The following HK1 variants were observed in gnomAD, a reference collection of about 807,000 sequenced individuals.
The protein encoded by HK1 is hexokinase 1.
A neutral mutation model predicts 91.6 loss-of-function variants in HK1; 28 were observed. The ratio of observed to expected loss-of-function variants is 0.31; its 90% CI spans 0.23 to 0.42. HK1 has a LOEUF of 0.42. Among genes scored for constraint, HK1 ranks in the 10% least tolerant of loss-of-function variants. HK1 has a pLI of 1.00. For missense variants in HK1, 770 were observed against 1,219.8 expected (o/e 0.63, Z 5.49); for synonymous variants, 430 against 468.1 (o/e 0.92, Z 1.05).
At chr10:69,392,852 G>C (rs550177791) in intron 15 of HK1, among the ~76,000 whole-genome samples, 1 of 152,372 alleles carries the variant, frequency 6.6e-6, no homozygotes, top group African/African-American at 2.4e-5. Context: ...CTCCCTAGGA[G>C]CAGAAAGAAG....
chr10:69,338,632 G>A (rs986522472), intron 1 of HK1: 1 of 1,288,504 alleles, frequency 7.8e-7, no homozygotes, highest in Non-Finnish European at 1.0e-6. Context: ...AAGCAGCGGT[G>A]ATGTGGAGGC....
chr10:69,300,465 T>C, intron 4 of HK1: 1 of 840,134 alleles, frequency 1.2e-6, no homozygotes, highest in South Asian at 1.4e-5. Context: ...TTCCTGTGTG[T>C]TTTCGTCTTG....
At chr10:69,344,949 C>T (rs796791089) in intron 2 of HK1, among the ~76,000 whole-genome samples, 7 of 152,076 alleles carry the variant, frequency 4.6e-5, no homozygotes, top group African/African-American at 1.7e-4. Context: ...CCAGTGAGTA[C>T]AGCTTTCACA....
chr10:69,330,545 AG>A (rs1209752188), intron 1 of HK1, among the ~76,000 whole-genome samples: 2 of 152,052 alleles, frequency 1.3e-5, no homozygotes, highest in African/African-American at 4.8e-5. Flanking sequence ...CAGACTCCAA[AG>A]CCATTGATGG....
At chr10:69,382,294 G>A (rs1352536266) in intron 9 of HK1, among the ~76,000 whole-genome samples, 193 bp from the exon 10 acceptor site, 2 of 152,202 alleles carry the variant, frequency 1.3e-5, no homozygotes, top group Admixed American at 1.3e-4. Flanking sequence ...AGGATCACCT[G>A]AACCTGGGAG....
At chr10:69,305,459 A>C (rs1442720633) in intron 5 of HK1, among the ~76,000 whole-genome samples, 1 of 152,174 alleles carries the variant, frequency 6.6e-6, no homozygotes, top group Non-Finnish European at 1.5e-5. Context: ...GCCTGGCCTA[A>C]TGTATATTTA....
intron 1 of HK1, among the ~76,000 whole-genome samples, chr10:69,273,176 C>T (rs1332630488): frequency 2.0e-5 from 3 of 151,366 alleles, no homozygotes; most frequent in Non-Finnish European, 4.4e-5. Context: ...GTTACAGGTG[C>T]CCGCCACCAT....
chr10:69,317,668 G>C (rs1027003589), upstream of HK1, among the ~76,000 whole-genome samples: 1 of 152,132 alleles, frequency 6.6e-6, no homozygotes, highest in Non-Finnish European at 1.5e-5. Context: ...GTGAGCACCT[G>C]CTTCAAAGAC....
At chr10:69,396,197 G>A (rs183441129) in intron 16 of HK1, among the ~76,000 whole-genome samples, 10 of 151,344 alleles carry the variant, frequency 6.6e-5, no homozygotes, top group African/African-American at 1.7e-4. Context: ...GCTTGAGCCC[G>A]GTGGCGGAGG....
chr10:69,323,758 G>T (rs1847175330), intron 1 of HK1, among the ~76,000 whole-genome samples: 1 of 152,144 alleles, frequency 6.6e-6, no homozygotes. Flanking sequence ...GTGTCTGTGA[G>T]GTGCTTTCAC....
intron 5 of HK1, among the ~76,000 whole-genome samples, chr10:69,309,473 G>A (rs1417042766): frequency 4.2e-5 from 5 of 118,266 alleles, no homozygotes; most frequent in African/African-American, 1.3e-4. Flanking sequence ...GAGCCACCGC[G>A]CCTGGCATGA....
chr10:69,399,872 T>A (rs1455822711), intron 17 of HK1, among the ~76,000 whole-genome samples: 1 of 152,158 alleles, frequency 6.6e-6, no homozygotes, highest in Non-Finnish European at 1.5e-5. Context: ...ACCCTACTTA[T>A]AAGCAACCTC....
At chr10:69,294,367 T>C (rs1370858142) in intron 3 of HK1, among the ~76,000 whole-genome samples, 1 of 152,194 alleles carries the variant, frequency 6.6e-6, no homozygotes, top group Non-Finnish European at 1.5e-5. Flanking sequence ...AAAAAATTCA[T>C]ATGAGCTTTT....
chr10:69,326,331 A>G (rs1847375358), intron 1 of HK1, among the ~76,000 whole-genome samples: 1 of 152,188 alleles, frequency 6.6e-6, no homozygotes, highest in Non-Finnish European at 1.5e-5. Context: ...TTGTCAGTAC[A>G]GGAAGTATTA....
chr10:69,372,504 G>T (rs1261120642), intron 7 of HK1, among the ~76,000 whole-genome samples: 1 of 152,132 alleles, frequency 6.6e-6, no homozygotes, highest in Non-Finnish European at 1.5e-5. Flanking sequence ...CCTCTTTGTG[G>T]CAGGGAAAGA....
intron 2 of HK1, among the ~76,000 whole-genome samples, chr10:69,284,276 T>C (rs539606461): frequency 1.3e-5 from 2 of 152,298 alleles, no homozygotes; most frequent in East Asian, 1.9e-4. Context: ...AGTTTCCTCA[T>C]GTGTAAAACT....
At position 69,318,905 on chromosome 10, in the gene HK1, C is replaced by T. The variant is rs1209781590; in HGVS notation, c.-43C>T. 5.1e-6 allele frequency: 8 copies of T among 1,555,278 alleles called. No individual in the cohort carries two copies. The highest frequency in any genetic ancestry group is 6.9e-6 in the Non-Finnish European group (8 of 1,152,028). On this transcript the variant is annotated 5_prime_UTR_variant, in exon 1 of 18. Transcript: ENST00000359426. ...ACGGCTCGCCAGGGCTGCGGAGGACCGACCGTCCCCACGCCTGCCGCCCCG... is the reference window on the plus strand; with the variant it reads ...ACGGCTCGCCAGGGCTGCGGAGGACTGACCGTCCCCACGCCTGCCGCCCCG...
intron 2 of HK1, among the ~76,000 whole-genome samples, chr10:69,345,097 G>A (rs1589516741): frequency 6.6e-6 from 1 of 152,102 alleles, no homozygotes; most frequent in South Asian, 2.1e-4. Flanking sequence ...GGGCAAGTGG[G>A]AGTAGGCTGG....
chr10:69,376,816 G>A (rs372026675), intron 7 of HK1, 118 bp from the exon 8 acceptor site: 4 of 1,302,416 alleles, frequency 3.1e-6, no homozygotes, highest in East Asian at 2.3e-5. Flanking sequence ...GCCTGCCAGC[G>A]AGGCTGGGGG....
Sources: allele counts gnomAD v4.1 joint callset (sites outside exome capture counted in the v4.1 genomes callset), GRCh38; gene constraint gnomAD v4.1.1; transcripts MANE v1.5; gene names NCBI Gene and HGNC (gene_info 2026-07-23, HGNC 2026-07-21).